The following HSD17B12 variants were observed in gnomAD, a reference collection of about 807,000 sequenced individuals.
HSD17B12 encodes the protein hydroxysteroid 17-beta dehydrogenase 12.
HSD17B12 carries 32 observed loss-of-function variants against 39.3 expected under a neutral mutation model. The observed-to-expected ratio is 0.81, with a 90% CI of 0.61 to 1.09. The LOEUF is 1.09. Among genes scored for constraint, HSD17B12 ranks in the 50% least tolerant of loss-of-function variants. HSD17B12 has a pLI of 0.00. For missense variants in HSD17B12, 342 were observed against 382.9 expected, an observed-to-expected ratio of 0.89 and a Z score of 0.89; for synonymous variants, 150 against 146.7, an observed-to-expected ratio of 1.02 and a Z score of -0.16.
At chr11:43,844,290 A>G (rs1424006731) in intron 9 of HSD17B12, among the ~76,000 whole-genome samples, 1 of 152,162 alleles carries the variant, frequency 6.6e-6, no homozygotes, top group East Asian at 1.9e-4. Flanking sequence ...TCTTTCCCTC[A>G]ACTTCTTAAC....
the HSD17B12 span, among the ~76,000 whole-genome samples, chr11:43,619,533 G>C: frequency 6.6e-6 from 1 of 151,472 alleles, no homozygotes; most frequent in South Asian, 2.1e-4. Context: ...GGGATTACAG[G>C]CACCTGACAC....
chr11:43,752,301 T>C (rs1289352805), intron 2 of HSD17B12, among the ~76,000 whole-genome samples: 1 of 152,200 alleles, frequency 6.6e-6, no homozygotes, highest in Non-Finnish European at 1.5e-5. Context: ...ATAAGGAATA[T>C]GTGGAATGAC....
At chr11:43,775,088 G>A (rs575502185) in intron 3 of HSD17B12, among the ~76,000 whole-genome samples, 68 of 152,232 alleles carry the variant, frequency 4.5e-4, no homozygotes, top group African/African-American at 8.4e-4. Flanking sequence ...GTAAACTGCC[G>A]TCCTGTGGGG....
intron 9 of HSD17B12, among the ~76,000 whole-genome samples, chr11:43,843,662 TC>T (rs1951447772): frequency 1.3e-5 from 2 of 152,116 alleles, no homozygotes; most frequent in Admixed American, 1.3e-4. Context: ...TCACTGTATC[TC>T]CTCCCAGCCC....
At chr11:43,706,724 T>TTGG (rs1554961267) in intron 1 of HSD17B12, among the ~76,000 whole-genome samples, 18 of 80,348 alleles carry the variant, frequency 2.2e-4, no homozygotes, top group South Asian at 7.5e-4. Flanking sequence ...GTGTGTGTTG[T>TTGG]GGGGGGTGGG....
chr11:43,672,080 G>A, the HSD17B12 span, among the ~76,000 whole-genome samples: 1 of 151,884 alleles, frequency 6.6e-6, no homozygotes, highest in Non-Finnish European at 1.5e-5. Flanking sequence ...ACCGAGTCTC[G>A]CTCTGTCGCC....
intron 6 of HSD17B12, among the ~76,000 whole-genome samples, chr11:43,828,331 A>G (rs1453093727): frequency 7.0e-6 from 1 of 143,542 alleles, no homozygotes; most frequent in African/African-American, 2.6e-5. Context: ...TTTAGTAGAG[A>G]CGAGGTTTCA....
chr11:43,738,058 A>C (rs1289589031), intron 1 of HSD17B12, among the ~76,000 whole-genome samples: 1 of 84,038 alleles, frequency 1.2e-5, no homozygotes, highest in African/African-American at 6.2e-5. Context: ...CTCTGTCCCA[A>C]AAAAAAAAAA....
At chr11:43,621,645 A>G in the HSD17B12 span, among the ~76,000 whole-genome samples, 1 of 152,224 alleles carries the variant, frequency 6.6e-6, no homozygotes, top group African/African-American at 2.4e-5. Flanking sequence ...CAGAAGACTG[A>G]GGCTGCAGTG....
the HSD17B12 span, among the ~76,000 whole-genome samples, chr11:43,639,219 T>C: frequency 3.9e-5 from 6 of 152,214 alleles, no homozygotes; most frequent in Non-Finnish European, 7.3e-5. Flanking sequence ...ATCTGCACTT[T>C]TGTAAGGTGT....
intron 9 of HSD17B12, among the ~76,000 whole-genome samples, chr11:43,850,751 G>A (rs1429266568): frequency 1.3e-5 from 2 of 152,190 alleles, no homozygotes; most frequent in African/African-American, 4.8e-5. Flanking sequence ...AGCTGCTCCA[G>A]TGGGTGAGAA....
At chr11:43,696,649 A>G (rs1012978401) in intron 1 of HSD17B12, among the ~76,000 whole-genome samples, 1 of 152,224 alleles carries the variant, frequency 6.6e-6, no homozygotes, top group Non-Finnish European at 1.5e-5. Context: ...CATGTGAGCA[A>G]TCCCATTACT....
chr11:43,615,027 C>T, the HSD17B12 span, among the ~76,000 whole-genome samples: 8 of 151,946 alleles, frequency 5.3e-5, no homozygotes, highest in Non-Finnish European at 1.0e-4. Context: ...TTTTTTTCAT[C>T]ATGCACTAGA....
At chr11:43,695,915 G>A (rs1949907452) in intron 1 of HSD17B12, among the ~76,000 whole-genome samples, 1 of 152,058 alleles carries the variant, frequency 6.6e-6, no homozygotes, top group Non-Finnish European at 1.5e-5. Context: ...TTGTGTCATG[G>A]AATTTTGTTT....
At chr11:43,757,349 G>T (rs1950514921) in intron 3 of HSD17B12, among the ~76,000 whole-genome samples, 1 of 152,062 alleles carries the variant, frequency 6.6e-6, no homozygotes, top group Non-Finnish European at 1.5e-5. Flanking sequence ...AAACAAATAG[G>T]TAGGCCGGGC....
chr11:43,794,073 G>A (rs1156819658), intron 3 of HSD17B12, among the ~76,000 whole-genome samples: 2 of 152,028 alleles, frequency 1.3e-5, no homozygotes, highest in Non-Finnish European at 2.9e-5. Context: ...TTGGTGTTTG[G>A]TCTTAGCCAC....
intron 4 of HSD17B12, among the ~76,000 whole-genome samples, chr11:43,812,760 A>G (rs1297144781): frequency 2.0e-5 from 3 of 152,198 alleles, no homozygotes; most frequent in Non-Finnish European, 2.9e-5. Flanking sequence ...ATAGATGTTC[A>G]CATTTTCATT....
the HSD17B12 span, among the ~76,000 whole-genome samples, chr11:43,661,747 G>A: frequency 1.3e-5 from 2 of 152,080 alleles, no homozygotes; most frequent in Non-Finnish European, 2.9e-5. Flanking sequence ...CTTAACCCAA[G>A]TGCCCAGAAA....
chr11:43,561,287 C>A, the HSD17B12 span, among the ~76,000 whole-genome samples: 1 of 152,200 alleles, frequency 6.6e-6, no homozygotes, highest in Non-Finnish European at 1.5e-5. Context: ...GAGGTCTGCC[C>A]AGGGGTCTCC....
Sources: gnomAD v4.1 joint callset for allele counts (sites outside exome capture counted in the v4.1 genomes callset) on GRCh38, gnomAD v4.1.1 for gene constraint, MANE v1.5 for transcripts, NCBI Gene and HGNC (gene_info 2026-07-23, HGNC 2026-07-21) for gene names.